Variants in CHD7 observed in about 807,000 individuals in gnomAD.
CHD7 encodes the protein chromodomain helicase DNA binding protein 7, also known as ATP-dependent chromatin remodeler CHD7.
CHD7 carries 24 observed loss-of-function variants against 307.3 expected under a neutral mutation model. The observed-to-expected ratio is 0.08, with a 90% CI of 0.06 to 0.11. The LOEUF (loss-of-function observed/expected upper bound fraction) is 0.11, where lower values mean the gene tolerates loss of function less well. Ranked by LOEUF, CHD7 falls within the 10% of genes least tolerant of loss-of-function variation. The pLI, the probability that CHD7 is intolerant of heterozygous loss-of-function variation, is 1.00. For synonymous variants in CHD7, 1,363 were observed against 1,349.9 expected (o/e 1.01, Z -0.21); for missense variants, 3,106 against 3,727.1 (o/e 0.83, Z 4.34).
chr8:60,801,487 A>T (rs1409413067), intron 5 of CHD7, 41 bp from the exon 6 acceptor site: 3 of 1,425,926 alleles, frequency 2.1e-6, no homozygotes, highest in Non-Finnish European at 2.9e-6. Context: ...TTAGGATGAG[A>T]TGTTTTCTAT....
At chr8:60,843,279 G>C (rs958536463) in intron 21 of CHD7, among the ~76,000 whole-genome samples, 6 of 152,168 alleles carry the variant, frequency 3.9e-5, no homozygotes, top group African/African-American at 1.2e-4. Flanking sequence ...ACATGGGGCA[G>C]AGACTCACCC....
intron 3 of CHD7, among the ~76,000 whole-genome samples, chr8:60,788,832 C>T (rs956215082): frequency 6.6e-6 from 1 of 152,072 alleles, no homozygotes; most frequent in Admixed American, 6.5e-5. Flanking sequence ...TGATTTGTCC[C>T]CTTCCTCATT....
At position 60,842,047 on chromosome 8, in the gene CHD7, C is replaced by T; in HGVS notation, c.4845C>T (p.Val1615=). 1 of 1,612,196 alleles carries T rather than the reference C, an allele frequency of 6.2e-7. No homozygotes were observed. Among genetic ancestry groups the T allele is most frequent in the Non-Finnish European group, 8.5e-7 (1 of 1,178,670 alleles). ...TCAGGGTGGAGAAGAATCTGCTTGTCTATGGGTAAGTAGGACTCACTACGT... is the reference window on the plus strand; with the variant it reads ...TCAGGGTGGAGAAGAATCTGCTTGTTTATGGGTAAGTAGGACTCACTACGT... ...ECFRVEKNLL[V]YGWGRWTDIL... Residue 1615 remains valine (V), a synonymous_variant, in exon 21 of 38, where the codon GTC becomes GTT. Transcript: ENST00000423902.
At chr8:60,741,236 C>T in intron 1 of CHD7, 23 bp from the exon 2 acceptor site, 1 of 566,306 alleles carries the variant, frequency 1.8e-6, no homozygotes, top group Non-Finnish European at 3.1e-6. Flanking sequence ...CCTTCTTCTC[C>T]CCCACCCCAA....
intron 1 of CHD7, among the ~76,000 whole-genome samples, chr8:60,681,422 A>G (rs1447472767): frequency 6.6e-6 from 1 of 152,208 alleles, no homozygotes; most frequent in East Asian, 1.9e-4. Flanking sequence ...CAATGATAAT[A>G]AAGAGGCTGA....
At chr8:60,860,278 G>T (rs1267793890) in intron 34 of CHD7, among the ~76,000 whole-genome samples, 1 of 152,112 alleles carries the variant, frequency 6.6e-6, no homozygotes, top group East Asian at 1.9e-4. Flanking sequence ...CTGAGAGGCC[G>T]CCTTTCATGC....
chr8:60,819,921 A>C (rs1803946080), intron 8 of CHD7, 86 bp from the exon 9 acceptor site: 1 of 934,768 alleles, frequency 1.1e-6, no homozygotes, highest in Admixed American at 2.1e-5. Context: ...TGTGACCCAA[A>C]ATATTATTGC....
chr8:60,751,966 C>T (rs1171167515), intron 2 of CHD7, among the ~76,000 whole-genome samples: 1 of 152,106 alleles, frequency 6.6e-6, no homozygotes, highest in African/African-American at 2.4e-5. Flanking sequence ...CACTTCCTTA[C>T]CTCTTATTTT....
At chr8:60,685,452 C>T (rs1805835112) in intron 1 of CHD7, among the ~76,000 whole-genome samples, 1 of 152,170 alleles carries the variant, frequency 6.6e-6, no homozygotes, top group Admixed American at 6.5e-5. Flanking sequence ...CTGTATGTCC[C>T]CTTACGGAGG....
At chr8:60,766,334 A>G (rs1221760216) in intron 2 of CHD7, among the ~76,000 whole-genome samples, 3 of 152,234 alleles carry the variant, frequency 2.0e-5, no homozygotes, top group Admixed American at 1.3e-4. Flanking sequence ...GCAGAGGTCC[A>G]TATGATTGAG....
intron 14 of CHD7, among the ~76,000 whole-genome samples, chr8:60,829,600 CA>C (rs200878157): frequency 6.6e-6 from 1 of 150,998 alleles, no homozygotes; most frequent in Non-Finnish European, 1.5e-5. Flanking sequence ...GACTTCATCT[CA>C]AAAAAAAGGA....
In CHD7 at chr8:60,859,853, A is replaced by G. The variant is rs116303687; in HGVS notation, c.7609-1051A>G. ...TTGTCCTGGAGGTAATAGGGATGCA[A>G]TTATTGAAAAAAATAGGAGAGTGAT... On this transcript the variant is annotated intron_variant, in intron 34 of 37. Coordinates refer to ENST00000423902, the MANE Select transcript of CHD7 (RefSeq NM_017780.4). Among the ~76,000 whole-genome samples, 431 of 152,318 alleles carry G rather than the reference A, an allele frequency of 2.8e-3. 2 individuals carry two copies. The highest frequency in any genetic ancestry group is 8.5e-3 in the African/African-American group (355 of 41,580).
At chr8:60,816,752 G>T (rs1803766109) in intron 8 of CHD7, among the ~76,000 whole-genome samples, 1 of 152,196 alleles carries the variant, frequency 6.6e-6, no homozygotes, top group East Asian at 1.9e-4. Flanking sequence ...TAAAAATCGT[G>T]TAATGAAAGT....
intron 17 of CHD7, 94 bp downstream of exon 17, chr8:60,837,106 C>A: frequency 1.0e-6 from 1 of 952,494 alleles, no homozygotes; most frequent in Non-Finnish European, 1.6e-6. Context: ...ATTAATGTTG[C>A]GTCGTCACTC....
intron 2 of CHD7, among the ~76,000 whole-genome samples, chr8:60,775,149 C>A (rs1299559671): frequency 6.6e-6 from 1 of 151,918 alleles, no homozygotes; most frequent in African/African-American, 2.4e-5. Flanking sequence ...GGCAAAGGTT[C>A]AAAAACGCCT....
At chr8:60,816,251 A>T in intron 7 of CHD7, 136 bp from the exon 8 acceptor site, 1 of 592,946 alleles carries the variant, frequency 1.7e-6, no homozygotes, top group Non-Finnish European at 3.0e-6. Context: ...TGGGTATATT[A>T]AATGTTGCTC....
intron 1 of CHD7, among the ~76,000 whole-genome samples, chr8:60,708,613 C>T (rs1248462486): frequency 6.6e-6 from 1 of 152,202 alleles, no homozygotes; most frequent in Non-Finnish European, 1.5e-5. Context: ...ATATAGTCCA[C>T]AACAGGCCTA....
chr8:60,722,122 A>G (rs375251629), intron 1 of CHD7, among the ~76,000 whole-genome samples: 1 of 152,134 alleles, frequency 6.6e-6, no homozygotes. Flanking sequence ...CTGCTTGGAC[A>G]TTGGTCTTTA....
In CHD7 at chr8:60,830,557, A is replaced by G; in HGVS notation, c.3758A>G (p.Asn1253Ser). 2 of 1,613,988 alleles carry G rather than the reference A, an allele frequency of 1.2e-6. No homozygotes were observed. Among genetic ancestry groups the G allele is most frequent in the Non-Finnish European group, 1.7e-6 (2 of 1,179,846 alleles). The stretch of plus-strand genomic sequence containing the variant: ...ATGATGGAATTGCGGAAGTGCTGCA[A>G]TCATCCGTACCTTATCAATGGTAAG... ...NTMMELRKCC[N>S]HPYLINGAEE... Residue 1253 changes from asparagine (N) to serine (S), a missense_variant, in exon 15 of 38, where the codon AAT becomes AGT. By Grantham distance (46) the Asn-to-Ser change is conservative. Coordinates refer to ENST00000423902, the MANE Select transcript of CHD7 (RefSeq NM_017780.4).
Sources: allele counts gnomAD v4.1 joint callset (sites outside exome capture counted in the v4.1 genomes callset), GRCh38; gene constraint gnomAD v4.1.1; transcripts MANE v1.5; gene names NCBI Gene and HGNC (gene_info 2026-07-23, HGNC 2026-07-21).